Variants in HTR4 observed in about 807,000 individuals in gnomAD.
The protein encoded by HTR4 is 5-hydroxytryptamine (serotonin) receptor 4, G protein-coupled.
In HTR4, 16 loss-of-function variants were observed where a neutral mutation model predicts 36.8. The ratio of observed to expected loss-of-function variants is 0.43; its 90% CI spans 0.29 to 0.66. HTR4 has a LOEUF of 0.66. Among genes scored for constraint, HTR4 ranks in the 30% least tolerant of loss-of-function variants. The pLI is 0.13. For synonymous variants in HTR4, 189 were observed against 185.1 expected, an observed-to-expected ratio of 1.02 and a Z score of -0.17; for missense variants, 438 against 490.9, an observed-to-expected ratio of 0.89 and a Z score of 1.02.
chr5:148,526,903 G>A (rs1758304118), intron 4 of HTR4, among the ~76,000 whole-genome samples: 1 of 151,956 alleles, frequency 6.6e-6, no homozygotes, highest in Admixed American at 6.6e-5. Flanking sequence ...TATGAAGAGG[G>A]GTCAGCGAAT....
chr5:148,640,922 C>T (rs376969824), intron 1 of HTR4, among the ~76,000 whole-genome samples: 8 of 152,090 alleles, frequency 5.3e-5, no homozygotes, highest in African/African-American at 1.7e-4. Context: ...ACCCAATGAG[C>T]AAATTTAAAA....
chr5:148,613,596 A>G (rs2127283889), intron 2 of HTR4, among the ~76,000 whole-genome samples: 1 of 150,396 alleles, frequency 6.6e-6, no homozygotes, highest in Middle Eastern at 3.4e-3. Context: ...CAAAAACTGG[A>G]AGCATTCCCT....
At chr5:148,502,311 C>T (rs754440131) in intron 6 of HTR4, among the ~76,000 whole-genome samples, 4 of 152,166 alleles carry the variant, frequency 2.6e-5, no homozygotes, top group Admixed American at 6.5e-5. Flanking sequence ...TCCAGAGGAA[C>T]GATCAGGCAG....
At chr5:148,536,911 C>T (rs1477799451) in intron 4 of HTR4, among the ~76,000 whole-genome samples, 1 of 152,176 alleles carries the variant, frequency 6.6e-6, no homozygotes, top group Non-Finnish European at 1.5e-5. Flanking sequence ...ACAGAACTCT[C>T]CACCCCAAAA....
chr5:148,495,655 T>C (rs537140456), intron 6 of HTR4, among the ~76,000 whole-genome samples: 2 of 152,346 alleles, frequency 1.3e-5, no homozygotes, highest in African/African-American at 4.8e-5. Context: ...TCCTACCACC[T>C]GCCACCTTGT....
At chr5:148,515,516 G>A (rs1413786495) in intron 5 of HTR4, among the ~76,000 whole-genome samples, 1 of 152,078 alleles carries the variant, frequency 6.6e-6, no homozygotes, top group Admixed American at 6.5e-5. Flanking sequence ...ACAAAAACCT[G>A]ATGTGGAAAA....
chr5:148,508,231 T>C (rs745599135), intron 6 of HTR4, among the ~76,000 whole-genome samples: 1 of 152,182 alleles, frequency 6.6e-6, no homozygotes, highest in Non-Finnish European at 1.5e-5. Context: ...ATTAAATGCT[T>C]GTTTCAAAGA....
At chr5:148,608,590 TAA>T (rs1419110224) in intron 2 of HTR4, among the ~76,000 whole-genome samples, 1 of 150,860 alleles carries the variant, frequency 6.6e-6, no homozygotes, top group African/African-American at 2.5e-5. Flanking sequence ...ACAGCCATGT[TAA>T]AAAGTCTGGA....
intron 6 of HTR4, 154 bp downstream of exon 6, chr5:148,509,302 C>A: frequency 1.7e-6 from 1 of 601,228 alleles, no homozygotes; most frequent in East Asian, 2.8e-5. Flanking sequence ...TTAACCATTG[C>A]TGTATTCCAT....
At chr5:148,471,262 G>T (rs985817461) in intron 5 of HTR4, among the ~76,000 whole-genome samples, 1 of 152,190 alleles carries the variant, frequency 6.6e-6, no homozygotes, top group Non-Finnish European at 1.5e-5. Flanking sequence ...CTAGATAGCA[G>T]GCTGAGAGCT....
intron 2 of HTR4, among the ~76,000 whole-genome samples, chr5:148,609,857 C>T (rs919567371): frequency 2.0e-5 from 3 of 152,238 alleles, no homozygotes; most frequent in East Asian, 1.9e-4. Context: ...TGAGCCACCA[C>T]GCCCGGCCCA....
intron 6 of HTR4, among the ~76,000 whole-genome samples, chr5:148,485,863 G>A (rs1243815129): frequency 2.0e-5 from 3 of 152,234 alleles, no homozygotes; most frequent in Non-Finnish European, 4.4e-5. Flanking sequence ...AGCAATTGGA[G>A]AGAGGAAGAG....
intron 5 of HTR4, among the ~76,000 whole-genome samples, chr5:148,451,572 G>C (rs550636092): frequency 1.2e-4 from 19 of 152,174 alleles, no homozygotes; most frequent in African/African-American, 4.6e-4. Flanking sequence ...ACAAAGCCTG[G>C]GGTTCTTGTG....
downstream of HTR4, among the ~76,000 whole-genome samples, chr5:148,478,019 C>T (rs1218800759): frequency 2.0e-5 from 3 of 152,116 alleles, no homozygotes; most frequent in Non-Finnish European, 2.9e-5. Context: ...TCTAAACTTG[C>T]CTTATTCATG....
chr5:148,610,688 A>T (rs1354583646), intron 2 of HTR4, among the ~76,000 whole-genome samples: 1 of 151,932 alleles, frequency 6.6e-6, no homozygotes, highest in Non-Finnish European at 1.5e-5. Flanking sequence ...AATGACTTTG[A>T]TGAGCTGAGA....
intron 4 of HTR4, among the ~76,000 whole-genome samples, chr5:148,547,738 A>G (rs1273002740): frequency 6.6e-6 from 1 of 151,890 alleles, no homozygotes; most frequent in East Asian, 1.9e-4. Flanking sequence ...TAAAAAATAA[A>G]TAAGAATAAA....
intron 2 of HTR4, among the ~76,000 whole-genome samples, chr5:148,609,834 G>A (rs992448658): frequency 6.6e-6 from 1 of 152,160 alleles, no homozygotes; most frequent in Non-Finnish European, 1.5e-5. Context: ...CCAAAGTACT[G>A]GGATTACAGG....
At chr5:148,536,674 T>C (rs1334708392) in intron 4 of HTR4, among the ~76,000 whole-genome samples, 1 of 152,136 alleles carries the variant, frequency 6.6e-6, no homozygotes, top group African/African-American at 2.4e-5. Context: ...AAGAGTTCAA[T>C]TCAACAAGAC....
chr5:148,576,132 AAC>A (rs1358577386), intron 2 of HTR4, among the ~76,000 whole-genome samples: 4 of 148,394 alleles, frequency 2.7e-5, no homozygotes, highest in East Asian at 2.1e-4. Context: ...AAAAAAAAAA[AAC>A]AAAATCAATG....
Sources: gnomAD v4.1 joint callset for allele counts (sites outside exome capture counted in the v4.1 genomes callset) on GRCh38, gnomAD v4.1.1 for gene constraint, MANE v1.5 for transcripts, NCBI Gene and HGNC (gene_info 2026-07-23, HGNC 2026-07-21) for gene names.